The following ADGRL4 variants were observed in gnomAD, a reference collection of about 807,000 sequenced individuals.
The protein encoded by ADGRL4 is adhesion G protein-coupled receptor L4, also known as EGF, latrophilin and seven transmembrane domain containing 1.
A neutral mutation model predicts 74.8 loss-of-function variants in ADGRL4; 90 were observed. That is an observed-to-expected ratio of 1.20 (90% CI 1.02 to 1.43). ADGRL4 has a LOEUF of 1.43. Among genes scored for constraint, ADGRL4 ranks in the 40% most tolerant of loss-of-function variants. The probability of loss-of-function intolerance (pLI) is 0.00; values close to 1 mark genes in which losing one functional copy is unlikely to be tolerated. For synonymous variants in ADGRL4, 311 were observed against 279.2 expected (o/e 1.11, Z -1.14); for missense variants, 881 against 814.3 (o/e 1.08, Z -1.00).
intron 2 of ADGRL4, among the ~76,000 whole-genome samples, chr1:78,962,570 A>G (rs776334622): frequency 3.9e-5 from 6 of 151,978 alleles, no homozygotes; most frequent in Non-Finnish European, 7.4e-5. Context: ...CCAAGCTGAA[A>G]CTTTATATTG....
rs1258677421 is a variant in ADGRL4, at chr1:78,929,186, C to G, written c.878-2095G>C. On this transcript the variant is annotated intron_variant, in intron 7 of 14. Transcript: ENST00000370742. ...ATTAATTCTCAACCCTTCCTCCTTACTCTTCTAAAATTCAGTCTATAAAAA... is the reference window on the plus strand; with the variant it reads ...ATTAATTCTCAACCCTTCCTCCTTAGTCTTCTAAAATTCAGTCTATAAAAA... Among the ~76,000 whole-genome samples the G allele has an allele frequency of 2.0e-5, 3 of 151,332 alleles. 1 individual carries two copies. The highest frequency in any genetic ancestry group is 7.4e-5 in the African/African-American group (3 of 40,750).
chr1:78,918,594 G>C (rs944290153), intron 10 of ADGRL4, among the ~76,000 whole-genome samples: 39 of 151,948 alleles, frequency 2.6e-4, no homozygotes, highest in Middle Eastern at 3.4e-3. Context: ...GTAAATTTGA[G>C]ATGGCTTTCA....
At chr1:78,906,281 CA>C (rs1648633200) in intron 12 of ADGRL4, among the ~76,000 whole-genome samples, 1 of 151,966 alleles carries the variant, frequency 6.6e-6, no homozygotes, top group Non-Finnish European at 1.5e-5. Context: ...AATACATAAT[CA>C]TTTTAGGCAT....
At chr1:78,897,307 T>A (rs995690548) in intron 12 of ADGRL4, among the ~76,000 whole-genome samples, 9 of 152,132 alleles carry the variant, frequency 5.9e-5, no homozygotes, top group African/African-American at 2.2e-4. Context: ...AAATTTCTGA[T>A]AAGTCAGTTT....
At chr1:78,891,465 A>G (rs561230591) in intron 14 of ADGRL4, 59 bp downstream of exon 14, 2 of 1,518,412 alleles carry the variant, frequency 1.3e-6, no homozygotes, top group East Asian at 2.3e-5. Flanking sequence ...TTTTCTATCA[A>G]TTTGGCAACT....
chr1:78,904,733 G>A (rs1184551614), intron 12 of ADGRL4, among the ~76,000 whole-genome samples: 2 of 151,922 alleles, frequency 1.3e-5, no homozygotes, highest in Non-Finnish European at 2.9e-5. Context: ...CTTACAAGAA[G>A]ATTAATATAT....
At chr1:78,906,923 C>G (rs1258190530) in intron 12 of ADGRL4, among the ~76,000 whole-genome samples, 6 of 152,028 alleles carry the variant, frequency 3.9e-5, no homozygotes, top group African/African-American at 1.4e-4. Context: ...CCTTTTCTGA[C>G]TTTTAAAAAA....
At chr1:78,957,840 T>C (rs1189718803) in intron 2 of ADGRL4, among the ~76,000 whole-genome samples, 1 of 152,188 alleles carries the variant, frequency 6.6e-6, no homozygotes, top group Non-Finnish European at 1.5e-5. Flanking sequence ...TGTGAGACTT[T>C]CATAGCTAGA....
chr1:78,891,274 C>A (rs1417620088), intron 14 of ADGRL4, 58 bp from the exon 15 acceptor site: 1 of 1,506,494 alleles, frequency 6.6e-7, no homozygotes, highest in Non-Finnish European at 9.1e-7. Flanking sequence ...CATTTAATTT[C>A]TTTTTCAAAT....
At chr1:78,990,861 G>A (rs1650594777) in intron 2 of ADGRL4, among the ~76,000 whole-genome samples, 1 of 151,898 alleles carries the variant, frequency 6.6e-6, no homozygotes, top group African/African-American at 2.4e-5. Flanking sequence ...ATAATCTTCA[G>A]AACTTATCCT....
chr1:78,927,670 C>T (rs1649147513), intron 7 of ADGRL4, among the ~76,000 whole-genome samples: 1 of 152,036 alleles, frequency 6.6e-6, no homozygotes, highest in Admixed American at 6.6e-5. Context: ...TAAAACTCCC[C>T]AAATGCAGTG....
intron 12 of ADGRL4, among the ~76,000 whole-genome samples, chr1:78,916,405 G>A (rs1204714421): frequency 6.6e-6 from 1 of 151,744 alleles, no homozygotes; most frequent in Non-Finnish European, 1.5e-5. Flanking sequence ...TCACATCAGG[G>A]CAATCCATAA....
At chr1:78,938,025 G>A in intron 5 of ADGRL4, 35 bp from the exon 6 acceptor site, 1 of 1,606,440 alleles carries the variant, frequency 6.2e-7, no homozygotes, top group Non-Finnish European at 8.5e-7. Context: ...AGAAATGTTG[G>A]AATCCTACAC....
chr1:78,924,300 T>C (rs1047395041), intron 8 of ADGRL4, among the ~76,000 whole-genome samples: 2 of 152,074 alleles, frequency 1.3e-5, no homozygotes, highest in Non-Finnish European at 1.5e-5. Flanking sequence ...TGTATATTTA[T>C]ATAAAATCTG....
At chr1:78,952,986 C>T (rs1368499843) in intron 2 of ADGRL4, among the ~76,000 whole-genome samples, 1 of 152,116 alleles carries the variant, frequency 6.6e-6, no homozygotes, top group Non-Finnish European at 1.5e-5. Context: ...GGAAATGCAG[C>T]ACTTAAGAAA....
chr1:78,909,520 C>T (rs563628699), intron 12 of ADGRL4, among the ~76,000 whole-genome samples: 4 of 151,930 alleles, frequency 2.6e-5, no homozygotes, highest in African/African-American at 9.6e-5. Flanking sequence ...GACAGGACAG[C>T]CTCCACAACA....
At chr1:78,934,061 T>A (rs536807142) in intron 7 of ADGRL4, among the ~76,000 whole-genome samples, 15 of 152,020 alleles carry the variant, frequency 9.9e-5, no homozygotes, top group Admixed American at 2.0e-4. Context: ...TTCACAGAAT[T>A]AGAAAAAAAA....
chr1:78,954,616 C>G (rs191327899), intron 2 of ADGRL4, among the ~76,000 whole-genome samples: 77 of 152,008 alleles, frequency 5.1e-4, no homozygotes, highest in Middle Eastern at 3.4e-3. Context: ...TAAATGGAAA[C>G]AACCTTGAAA....
intron 12 of ADGRL4, among the ~76,000 whole-genome samples, chr1:78,914,527 T>G (rs1297271268): frequency 1.3e-5 from 2 of 151,884 alleles, no homozygotes; most frequent in Non-Finnish European, 2.9e-5. Context: ...TGATCAATTT[T>G]GAACATCTGA....
Sources: gnomAD v4.1 joint callset for allele counts (sites outside exome capture counted in the v4.1 genomes callset) on GRCh38, gnomAD v4.1.1 for gene constraint, MANE v1.5 for transcripts, NCBI Gene and HGNC (gene_info 2026-07-23, HGNC 2026-07-21) for gene names.